The following QRICH1 variants were observed in gnomAD, a reference collection of about 807,000 sequenced individuals.
The protein encoded by QRICH1 is transcriptional regulator QRICH1.
In QRICH1, 16 loss-of-function variants were observed where a neutral mutation model predicts 87.1. That is an observed-to-expected ratio of 0.18 (90% CI 0.12 to 0.28). QRICH1 has a LOEUF of 0.28. Ranked by LOEUF, QRICH1 falls within the 10% of genes least tolerant of loss-of-function variation. The pLI, the probability that QRICH1 is intolerant of heterozygous loss-of-function variation, is 1.00. For missense variants in QRICH1, 647 were observed against 951.7 expected (o/e 0.68, Z 4.21); for synonymous variants, 367 against 368.4 (o/e 1.00, Z 0.05).
chr3:49,058,855 C>T (rs1199689044), intron 2 of QRICH1, among the ~76,000 whole-genome samples: 3 of 151,934 alleles, frequency 2.0e-5, no homozygotes, highest in Non-Finnish European at 2.9e-5. Context: ...CTCGAACTCC[C>T]GACCTCAAGT....
At chr3:49,079,246 A>C (rs1243355502) in intron 1 of QRICH1, among the ~76,000 whole-genome samples, 2 of 151,838 alleles carry the variant, frequency 1.3e-5, no homozygotes, top group Non-Finnish European at 1.5e-5. Context: ...AAAAACAAAC[A>C]AACAAACAAA....
intron 4 of QRICH1, 141 bp downstream of exon 4, chr3:49,046,928 G>A (rs139777771): frequency 9.7e-7 from 1 of 1,034,616 alleles, no homozygotes; most frequent in African/African-American, 1.6e-5. Context: ...CTTGTTACTA[G>A]GCTTGAATTC....
chr3:49,076,041 A>T (rs926553651), intron 2 of QRICH1, among the ~76,000 whole-genome samples: 1 of 152,182 alleles, frequency 6.6e-6, no homozygotes, highest in African/African-American at 2.4e-5. Flanking sequence ...CAGGAGTTCA[A>T]GACCAGCCTG....
intron 3 of QRICH1, among the ~76,000 whole-genome samples, chr3:49,053,832 A>G (rs1397599293): frequency 1.3e-5 from 2 of 152,188 alleles, no homozygotes; most frequent in African/African-American, 4.8e-5. Context: ...GTGGCAGATG[A>G]AGGAACACAT....
chr3:49,058,111 G>A, intron 2 of QRICH1: 1 of 744,726 alleles, frequency 1.3e-6, no homozygotes, highest in South Asian at 2.1e-5. Context: ...CAGAGAGCAA[G>A]CAAGACAATT....
chr3:49,051,152 G>A (rs1333220049), intron 3 of QRICH1, among the ~76,000 whole-genome samples: 1 of 152,100 alleles, frequency 6.6e-6, no homozygotes, highest in Non-Finnish European at 1.5e-5. Context: ...CCCCAGAAAT[G>A]AGCAATCTCT....
chr3:49,059,207 C>T (rs1422069742), intron 2 of QRICH1, among the ~76,000 whole-genome samples: 7 of 151,952 alleles, frequency 4.6e-5, no homozygotes, highest in Middle Eastern at 3.4e-3. Context: ...CCTCGTGATC[C>T]GCCCGCCTTG....
In QRICH1 at chr3:49,057,657, C is replaced by T. The variant is rs761398849; in HGVS notation, c.543G>A (p.Gln181=). ...VQHVQAAQQI[Q]AAEIPEEHIP... is the part of the protein sequence containing the mutation. ...TGTGCTCCTCCGGGATTTCTGCAGCCTGGATCTGCTGGGCTGCTTGCACGT... is the reference window on the plus strand; with the variant it reads ...TGTGCTCCTCCGGGATTTCTGCAGCTTGGATCTGCTGGGCTGCTTGCACGT... The change falls in exon 3 of 10, where the codon CAG becomes CAA. Residue 181 remains glutamine (Q), a synonymous_variant. Coordinates refer to ENST00000395443, the MANE Select transcript of QRICH1 (RefSeq NM_198880.3). The surrounding 1 kb of genome is among the most constrained non-coding windows in gnomAD (Gnocchi z 5.4). 4 of 1,614,224 alleles carry T rather than the reference C, an allele frequency of 2.5e-6. No homozygotes were observed. The highest frequency in any genetic ancestry group is 1.1e-5 in the South Asian group (1 of 91,082).
intron 6 of QRICH1, among the ~76,000 whole-genome samples, chr3:49,035,121 C>T (rs1476224486): frequency 6.6e-6 from 1 of 152,142 alleles, no homozygotes; most frequent in Admixed American, 6.5e-5. Context: ...CTGAAGCCCC[C>T]AAGATCCAGG....
intron 3 of QRICH1, among the ~76,000 whole-genome samples, chr3:49,052,506 T>A (rs993068322): frequency 6.6e-6 from 1 of 152,058 alleles, no homozygotes; most frequent in African/African-American, 2.4e-5. Flanking sequence ...ATTCTGCCCC[T>A]TTTTTGTTTG....
rs939299063 is a variant in QRICH1, at chr3:49,083,956, C to T, written c.-21-6918G>A. 1.3e-5 allele frequency among the ~76,000 whole-genome samples: 2 copies of T among 151,938 alleles called. 1 individual carries two copies. The highest frequency in any genetic ancestry group is 4.1e-4 in the South Asian group (2 of 4,824). ...AGCTAGGATTACAGGCACCTGCCACCGTGCCTGGCTAATTTTTGTATTTTT... is the reference window on the plus strand; with the variant it reads ...AGCTAGGATTACAGGCACCTGCCACTGTGCCTGGCTAATTTTTGTATTTTT... On this transcript the variant is annotated intron_variant, in intron 1 of 9. Coordinates refer to ENST00000395443, the MANE Select transcript of QRICH1 (RefSeq NM_198880.3).
intron 6 of QRICH1, among the ~76,000 whole-genome samples, chr3:49,039,862 C>A (rs936185003): frequency 2.0e-5 from 3 of 151,960 alleles, no homozygotes; most frequent in African/African-American, 7.3e-5. Flanking sequence ...GAGTTTGAGA[C>A]CAGCCTGGCC....
At chr3:49,050,266 A>C (rs1355904380) in intron 3 of QRICH1, among the ~76,000 whole-genome samples, 1 of 141,574 alleles carries the variant, frequency 7.1e-6, no homozygotes, top group East Asian at 2.0e-4. Context: ...AAAAAAAAAA[A>C]AAAAAAATTA....
intron 2 of QRICH1, among the ~76,000 whole-genome samples, chr3:49,067,618 A>T (rs76149546): frequency 6.6e-6 from 1 of 152,070 alleles, no homozygotes; most frequent in East Asian, 1.9e-4. Flanking sequence ...ACTTCCCTTC[A>T]ATTTTTTTAA....
chr3:49,044,432 G>A lies in QRICH1; in HGVS notation c.1744C>T (p.His582Tyr). The A allele has an allele frequency of 6.2e-7, 1 of 1,613,846 alleles. No homozygotes were observed. The highest frequency in any genetic ancestry group is 8.5e-7 in the Non-Finnish European group (1 of 1,179,902). Reference sequence around the variant, plus strand: ...GGCTGAACATCCTTCAGAACTTCATGTAGCCACTCCGTGAACCGAACATAA... The same window carrying A: ...GGCTGAACATCCTTCAGAACTTCATATAGCCACTCCGTGAACCGAACATAA... The part of the protein sequence containing the change: ...LYYVRFTEWL[H>Y]EVLKDVQPRV... Residue 582 changes from histidine (H) to tyrosine (Y), a missense_variant, in exon 6 of 10, where the codon CAT (histidine) becomes TAT (tyrosine). This residue lies in a region of QRICH1 where 187 missense variants were observed against 309.5 expected (regional missense o/e 0.60). Transcript: ENST00000395443.
intron 2 of QRICH1, among the ~76,000 whole-genome samples, chr3:49,064,799 A>C (rs542545450): frequency 8.4e-4 from 128 of 152,240 alleles, no homozygotes; most frequent in African/African-American, 3.0e-3. Flanking sequence ...GCAGGGTCAC[A>C]TAAGGTCAGG....
chr3:49,055,820 A>G (rs1329211852), intron 3 of QRICH1, among the ~76,000 whole-genome samples: 2 of 151,370 alleles, frequency 1.3e-5, no homozygotes, highest in African/African-American at 2.4e-5. Context: ...CTGGGATTAT[A>G]GGTGTGTGCC....
rs2093228719 is a variant in QRICH1, at chr3:49,030,468, G to C, written c.2315C>G (p.Ala772Gly). The change falls in exon 10 of 10, where the codon GCA becomes GGA. Residue 772 changes from alanine to glycine, a missense_variant. Transcript: ENST00000395443. ...CAAGGCATCTCAGTGCATAGTGCTT[G>C]CATTGGCCACTGCGATGGCCTCCTG... ...EIQEAIAVAN[A>G]STMH is the part of the protein sequence containing the mutation. 2 of 1,613,432 alleles carry C rather than the reference G, an allele frequency of 1.2e-6. No homozygotes were observed. The highest frequency in any genetic ancestry group is 1.7e-6 in the Non-Finnish European group (2 of 1,180,000).
chr3:49,057,812 C>CAGTA lies in QRICH1; in HGVS notation c.384_387dup (p.Glu130TyrfsTer2). ...TGCACCTGGACCTGGATGGGTTGCTCAGTAGGCTGGTGAACGGTGAGTTGT... is the reference window on the plus strand; with the variant it reads ...TGCACCTGGACCTGGATGGGTTGCTCAGTAAGTAGGCTGGTGAACGGTGAGTTGT... On this transcript the variant is annotated frameshift_variant, in exon 3 of 10. Coordinates refer to ENST00000395443, the MANE Select transcript of QRICH1 (RefSeq NM_198880.3). LOFTEE classifies it high-confidence loss of function. The surrounding 1 kb of genome is among the most constrained non-coding windows in gnomAD (Gnocchi z 5.4). 1 of 1,613,964 alleles carries CAGTA rather than the reference C, an allele frequency of 6.2e-7. No homozygotes were observed. The highest frequency in any genetic ancestry group is 8.5e-7 in the Non-Finnish European group (1 of 1,180,002).
Sources: allele counts gnomAD v4.1 joint callset (sites outside exome capture counted in the v4.1 genomes callset), GRCh38; gene constraint gnomAD v4.1.1; regional missense constraint gnomAD v4.1.1; non-coding constraint Gnocchi (gnomAD v3.1); transcripts MANE v1.5; gene names NCBI Gene and HGNC (gene_info 2026-07-23, HGNC 2026-07-21).